CCDC39: variants seen among roughly 807,000 people sequenced by gnomAD.
The protein encoded by CCDC39 is coiled-coil domain-containing protein 39.
In CCDC39, 113 loss-of-function variants were observed where a neutral mutation model predicts 121.0. That is an observed-to-expected ratio of 0.93 (90% confidence interval 0.80 to 1.09). CCDC39 has a LOEUF of 1.09. CCDC39 is among the 50% of genes least tolerant of loss of function. CCDC39 has a pLI of 0.00. For synonymous variants in CCDC39, 349 were observed against 352.2 expected, an observed-to-expected ratio of 0.99 and a Z score of 0.10; for missense variants, 1,063 against 1,074.7, an observed-to-expected ratio of 0.99 and a Z score of 0.15.
intron 1 of CCDC39, among the ~76,000 whole-genome samples, chr3:180,668,286 G>C (rs1711941572): frequency 1.3e-5 from 2 of 152,158 alleles, no homozygotes; most frequent in South Asian, 4.1e-4. Flanking sequence ...AGCTAAAGTA[G>C]GGGGATCACT....
chr3:180,631,607 A>G lies in CCDC39; in HGVS notation c.1875-15T>C. On this transcript the variant is annotated splice_polypyrimidine_tract_variant and intron_variant, in intron 13 of 19. Coordinates refer to ENST00000476379, the MANE Select transcript of CCDC39 (RefSeq NM_181426.2). ...GAAACTCAGTGCTAATAAGAAAAAG[A>G]AACACTGAGAAATGAATAACATACT... The G allele has an allele frequency of 6.3e-7, 1 of 1,591,502 alleles. No homozygotes were observed. The highest frequency in any genetic ancestry group is 2.2e-5 in the East Asian group (1 of 44,708).
In CCDC39 at chr3:180,614,022, T is replaced by C. The variant is rs1052927061; in HGVS notation, c.*899A>G. 3 of 333,992 alleles carry C rather than the reference T, an allele frequency of 9.0e-6. No individual in the cohort carries two copies. Among genetic ancestry groups the C allele is most frequent in the Non-Finnish European group, 1.8e-5 (3 of 170,798 alleles). The allele number at this position is 333,992 out of a possible 1,614,324, so 20.7% of individuals were successfully genotyped here. ...ATGTACATTCGTGAATTCTAATACA[T>C]TTATTTAAAATCCAGTTTTATAATA... On this transcript the variant is annotated 3_prime_UTR_variant, in exon 20 of 20. Transcript: ENST00000476379.
At chr3:180,672,933 G>A (rs1007086414) in intron 1 of CCDC39, among the ~76,000 whole-genome samples, 1 of 152,190 alleles carries the variant, frequency 6.6e-6, no homozygotes, top group Non-Finnish European at 1.5e-5. Flanking sequence ...GAATATTCCA[G>A]CCCTTATGGA....
At chr3:180,626,822 G>A (rs542002875) in intron 14 of CCDC39, among the ~76,000 whole-genome samples, 30 of 152,244 alleles carry the variant, frequency 2.0e-4, no homozygotes, top group African/African-American at 7.0e-4. Flanking sequence ...GTGCACTGGA[G>A]TGCTTGGTCA....
At chr3:180,633,998 T>C (rs1039655262) in intron 13 of CCDC39, among the ~76,000 whole-genome samples, 2 of 152,066 alleles carry the variant, frequency 1.3e-5, no homozygotes, top group African/African-American at 4.8e-5. Flanking sequence ...CTGCTGCCCT[T>C]GATTTGGGGA....
At chr3:180,633,139 G>A (rs1423882629) in intron 13 of CCDC39, among the ~76,000 whole-genome samples, 1 of 152,152 alleles carries the variant, frequency 6.6e-6, no homozygotes, top group Non-Finnish European at 1.5e-5. Context: ...AAACTAGCAC[G>A]AGCCTACAAT....
rs190913291 is a variant in CCDC39, at chr3:180,614,787, T to A, written c.*134A>T. 1,173 of 715,832 alleles carry A rather than the reference T, an allele frequency of 1.6e-3. 13 individuals carry two copies. In the African/African-American group the frequency reaches 0.02, roughly 12 times the overall value. 44.3% of individuals were successfully genotyped at this position (715,832 alleles called of 1,614,324 possible). ...AGAAAATGAGAACGTTCCTTTTTTT[T>A]TAAAACTATCAGTTTTTACACTTAC... On this transcript the variant is annotated 3_prime_UTR_variant, in exon 20 of 20. Coordinates refer to ENST00000476379, the MANE Select transcript of CCDC39 (RefSeq NM_181426.2).
At position 180,619,262 on chromosome 3, in the gene CCDC39, G is replaced by C; in HGVS notation, c.2262C>G (p.Ile754Met). ...QRQIRELQED[I>M]QSMENTLDVI... ...TAAAAATGCCTGTAGAATTTACCTG[G>C]ATGTCTTCTTGAAGTTCTCTGATTT... Residue 754 changes from isoleucine (I) to methionine (M), a missense_variant, in exon 16 of 20, where the codon ATC becomes ATG. Transcript: ENST00000476379. 1 of 1,483,754 alleles carries C rather than the reference G, an allele frequency of 6.7e-7. No homozygotes were observed. Among genetic ancestry groups the C allele is most frequent in the Non-Finnish European group, 9.2e-7 (1 of 1,086,306 alleles). The allele number at this position is 1,483,754 out of a possible 1,614,324, so 91.9% of individuals were successfully genotyped here.
At chr3:180,642,405 A>G (rs1444412893) in intron 12 of CCDC39, among the ~76,000 whole-genome samples, 1 of 151,668 alleles carries the variant, frequency 6.6e-6, no homozygotes, top group Admixed American at 6.6e-5. Flanking sequence ...AATCTTTTTC[A>G]TAATTCAATT....
At chr3:180,635,785 C>T (rs1717812108) in intron 13 of CCDC39, among the ~76,000 whole-genome samples, 1 of 152,122 alleles carries the variant, frequency 6.6e-6, no homozygotes. Flanking sequence ...ATGGTGCAAG[C>T]TGTCGTGGCT....
Position 180,668,472 on chromosome 3 carries a change from A to C in CCDC39, c.91-4486T>G, listed in dbSNP as rs537274193. On this transcript the variant is annotated intron_variant, in intron 1 of 19. Transcript: ENST00000476379. ...TCTTCCTAGAACATTTTTCTTCCCT[A>C]ATGGCTAGTTGTATATTATTATTCA... 2.6e-5 allele frequency among the ~76,000 whole-genome samples: 4 copies of C among 152,076 alleles called. No homozygotes were observed. In the South Asian group the frequency reaches 8.3e-4, roughly 32 times the overall value.
chr3:180,660,168 C>A (rs1277658756), intron 4 of CCDC39, among the ~76,000 whole-genome samples: 1 of 151,980 alleles, frequency 6.6e-6, no homozygotes, highest in Non-Finnish European at 1.5e-5. Context: ...ATCAATAGCA[C>A]TACAGTCTCA....
At chr3:180,641,191 GAA>G (rs1210433281) in intron 13 of CCDC39, among the ~76,000 whole-genome samples, 1 of 151,918 alleles carries the variant, frequency 6.6e-6, no homozygotes, top group Non-Finnish European at 1.5e-5. Context: ...TAAGTGCTGA[GAA>G]AGCATATAAT....
chr3:180,623,325 C>T (rs191626766), intron 14 of CCDC39, among the ~76,000 whole-genome samples: 52 of 151,452 alleles, frequency 3.4e-4, no homozygotes, highest in Non-Finnish European at 3.5e-4. Context: ...TTTTGTTTTC[C>T]GATTTTGTTT....
chr3:180,627,839 A>AAGAT (rs989553767), intron 14 of CCDC39, among the ~76,000 whole-genome samples: 2 of 152,190 alleles, frequency 1.3e-5, no homozygotes, highest in Admixed American at 6.5e-5. Context: ...CCCTTATAAG[A>AAGAT]AGATATGTTG....
chr3:180,657,018 T>C (rs1711597650), intron 6 of CCDC39, among the ~76,000 whole-genome samples: 1 of 152,246 alleles, frequency 6.6e-6, no homozygotes, highest in Admixed American at 6.5e-5. Flanking sequence ...CTTTGCTTTC[T>C]TAATAAAGCT....
Position 180,648,152 on chromosome 3 carries a change from A to T in CCDC39, c.1362+13T>A. The T allele has an allele frequency of 6.3e-7, 1 of 1,593,166 alleles. No homozygotes were observed. The highest frequency in any genetic ancestry group is 1.1e-5 in the South Asian group (1 of 90,066). On this transcript the variant is annotated intron_variant, in intron 10 of 19. Transcript: ENST00000476379. ...AAATCAATATGGAAGATATTCATAA[A>T]AGTAACATCTACCTGGCTGTACATA...
chr3:180,638,948 CTAAG>C (rs763495753), intron 13 of CCDC39, among the ~76,000 whole-genome samples: 11 of 151,998 alleles, frequency 7.2e-5, no homozygotes, highest in Non-Finnish European at 1.6e-4. Context: ...AATTTTACTC[CTAAG>C]TATTTATCCA....
chr3:180,647,553 G>A (rs1307986915), intron 10 of CCDC39, among the ~76,000 whole-genome samples: 2 of 152,028 alleles, frequency 1.3e-5, no homozygotes, highest in Non-Finnish European at 2.9e-5. Flanking sequence ...CATGAATTTG[G>A]ATTTCTGAGG....
Sources: allele counts gnomAD v4.1 joint callset (sites outside exome capture counted in the v4.1 genomes callset), GRCh38; gene constraint gnomAD v4.1.1; transcripts MANE v1.5; gene names NCBI Gene and HGNC (gene_info 2026-07-23, HGNC 2026-07-21).